The following VMP1 variants were observed in gnomAD, a reference collection of about 807,000 sequenced individuals.
VMP1 encodes vacuole membrane protein 1.
Under a neutral mutation model 56.0 loss-of-function variants are expected in VMP1, and 11 were observed. That is an observed-to-expected ratio of 0.20 (90% CI 0.12 to 0.32). VMP1 has a LOEUF of 0.32. Ranked by LOEUF, VMP1 falls within the 10% of genes least tolerant of loss-of-function variation. VMP1 has a pLI of 1.00. For missense variants in VMP1, 296 were observed against 490.3 expected, an observed-to-expected ratio of 0.60 and a Z score of 3.74; for synonymous variants, 149 against 165.0, an observed-to-expected ratio of 0.90 and a Z score of 0.74.
At chr17:59,736,274 G>A (rs1268903171) in intron 3 of VMP1, among the ~76,000 whole-genome samples, 5 of 151,020 alleles carry the variant, frequency 3.3e-5, no homozygotes, top group Non-Finnish European at 4.4e-5. Flanking sequence ...GTGGTGGCAT[G>A]TGCCTGTAGT....
At chr17:59,730,972 G>T (rs903487075) in intron 1 of VMP1, among the ~76,000 whole-genome samples, 5 of 151,704 alleles carry the variant, frequency 3.3e-5, no homozygotes, top group African/African-American at 7.3e-5. Flanking sequence ...ATATAATAAT[G>T]TTAAAGGGAA....
chr17:59,772,190 C>T (rs61093243), intron 6 of VMP1, among the ~76,000 whole-genome samples: 1 of 151,686 alleles, frequency 6.6e-6, no homozygotes, highest in Non-Finnish European at 1.5e-5. Flanking sequence ...GGGGTTTCGC[C>T]ATGTTGCCGA....
Position 59,840,015 on chromosome 17 carries a change from AT to A in VMP1, c.*109del. On this transcript the variant is annotated 3_prime_UTR_variant, in exon 12 of 12. Coordinates refer to ENST00000262291, the MANE Select transcript of VMP1 (RefSeq NM_030938.5). ...AAATTCCCTTTTCCAACCTGTATCA[AT>A]TTTTACAACTTTTTTCCTGAAAGCA... The A allele has an allele frequency of 6.8e-7, 1 of 1,479,534 alleles. No homozygotes were observed. Among genetic ancestry groups the A allele is most frequent in the Non-Finnish European group, 9.1e-7 (1 of 1,094,552 alleles). 91.7% of individuals were successfully genotyped at this position (1,479,534 alleles called of 1,614,324 possible). A position where few individuals can be genotyped will look rare whatever the true frequency, so the allele number is the denominator to read the frequency against.
chr17:59,829,502 C>G lies in VMP1; in HGVS notation c.975-8793C>G, dbSNP rs117319837. ...AATAGAGCTCTAGTATTGGTTGGTCCCCAGGGAAACTGGTGGTTAAATACT... is the reference window on the plus strand; with the variant it reads ...AATAGAGCTCTAGTATTGGTTGGTCGCCAGGGAAACTGGTGGTTAAATACT... On this transcript the variant is annotated intron_variant, in intron 10 of 11. Coordinates refer to ENST00000262291, the MANE Select transcript of VMP1 (RefSeq NM_030938.5). Among the ~76,000 whole-genome samples the G allele has an allele frequency of 9.7e-3, 1,470 of 152,164 alleles. 13 individuals are homozygous for G. The highest frequency in any genetic ancestry group is 0.014 in the Non-Finnish European group (961 of 68,000).
intron 6 of VMP1, among the ~76,000 whole-genome samples, chr17:59,771,604 TG>T (rs979376703): frequency 2.0e-5 from 3 of 150,318 alleles, no homozygotes; most frequent in African/African-American, 7.4e-5. Context: ...TTGGTTTTTT[TG>T]GTTTTTTTTT....
chr17:59,816,974 GA>G (rs1227434549), intron 9 of VMP1, among the ~76,000 whole-genome samples: 5,067 of 105,386 alleles, frequency 0.048, 323 homozygotes, highest in African/African-American at 0.16. Flanking sequence ...AAGAAAGAAA[GA>G]AAAAAAAAAA....
At chr17:59,828,618 C>T (rs2038715618) in intron 10 of VMP1, among the ~76,000 whole-genome samples, 1 of 152,206 alleles carries the variant, frequency 6.6e-6, no homozygotes, top group Non-Finnish European at 1.5e-5. Flanking sequence ...GTGCCAGGGA[C>T]TGTCAGTCCA....
chr17:59,815,191 G>A (rs377659783), intron 9 of VMP1, among the ~76,000 whole-genome samples: 1 of 152,014 alleles, frequency 6.6e-6, no homozygotes, highest in East Asian at 1.9e-4. Flanking sequence ...CCCTTCCACT[G>A]CACAGAGTCA....
chr17:59,755,203 G>A (rs1313519072), intron 5 of VMP1, among the ~76,000 whole-genome samples: 2 of 151,512 alleles, frequency 1.3e-5, no homozygotes, highest in South Asian at 2.1e-4. Flanking sequence ...CATCTCCCAC[G>A]TTCAAGCGAT....
chr17:59,788,039 A>T (rs559252797), intron 7 of VMP1, among the ~76,000 whole-genome samples: 74 of 152,312 alleles, frequency 4.9e-4, no homozygotes, highest in Non-Finnish European at 8.4e-4. Context: ...AACTAAATTT[A>T]AAAAAATTAT....
intron 1 of VMP1, among the ~76,000 whole-genome samples, chr17:59,722,709 G>A (rs1005976428): frequency 1.3e-5 from 2 of 152,106 alleles, no homozygotes; most frequent in African/African-American, 4.8e-5. Flanking sequence ...CCGGGCATGG[G>A]GGTACATGCT....
At chr17:59,770,464 A>G (rs1453946748) in intron 6 of VMP1, among the ~76,000 whole-genome samples, 6 of 152,174 alleles carry the variant, frequency 3.9e-5, no homozygotes, top group Non-Finnish European at 7.3e-5. Context: ...CATAATACAC[A>G]TCATCTGTAA....
intron 7 of VMP1, among the ~76,000 whole-genome samples, chr17:59,801,122 GT>G (rs1568173720): frequency 2.3e-5 from 3 of 133,128 alleles, no homozygotes; most frequent in East Asian, 2.0e-4. Context: ...ATGTGTGTGT[GT>G]GTGTGTGTGT....
At chr17:59,774,456 G>A (rs1487815581) in intron 7 of VMP1, among the ~76,000 whole-genome samples, 1 of 151,868 alleles carries the variant, frequency 6.6e-6, no homozygotes, top group Non-Finnish European at 1.5e-5. Context: ...CTTATTTTAT[G>A]GCTATATCTA....
intron 1 of VMP1, among the ~76,000 whole-genome samples, chr17:59,726,945 G>T (rs186281839): frequency 6.6e-6 from 1 of 152,068 alleles, no homozygotes; most frequent in Non-Finnish European, 1.5e-5. Flanking sequence ...TCTACTTCAC[G>T]ATCTTCATAA....
chr17:59,828,552 A>T (rs1160576540), intron 10 of VMP1, among the ~76,000 whole-genome samples: 2 of 152,228 alleles, frequency 1.3e-5, no homozygotes, highest in Admixed American at 1.3e-4. Flanking sequence ...ATGTGAATGA[A>T]ATTCAAGATG....
chr17:59,762,103 G>T (rs1041380550), intron 5 of VMP1, among the ~76,000 whole-genome samples: 1 of 152,100 alleles, frequency 6.6e-6, no homozygotes, highest in Non-Finnish European at 1.5e-5. Context: ...AAAAAGAATT[G>T]TCCCATATAT....
At chr17:59,832,102 T>C (rs1394387554) in intron 10 of VMP1, among the ~76,000 whole-genome samples, 1 of 151,262 alleles carries the variant, frequency 6.6e-6, no homozygotes, top group East Asian at 1.9e-4. Flanking sequence ...GGAATAAAAA[T>C]ATGAAGATAC....
chr17:59,731,296 G>A lies in VMP1; in HGVS notation c.-26-125G>A, dbSNP rs2034814175. The stretch of plus-strand genomic sequence containing the variant: ...ATTTTGGTTATAAAAGAAAAAAAGT[G>A]TAAACACATCATACATATCATGTGG... On this transcript the variant is annotated intron_variant, in intron 1 of 11. Coordinates refer to ENST00000262291, the MANE Select transcript of VMP1 (RefSeq NM_030938.5). 4.0e-6 allele frequency: 2 copies of A among 498,672 alleles called. 1 individual carries two copies. Among genetic ancestry groups the A allele is most frequent in the South Asian group, 5.5e-5 (2 of 36,496 alleles). 30.9% of individuals were successfully genotyped at this position (498,672 alleles called of 1,614,324 possible).
Sources: gnomAD v4.1 joint callset for allele counts (sites outside exome capture counted in the v4.1 genomes callset) on GRCh38, gnomAD v4.1.1 for gene constraint, MANE v1.5 for transcripts, NCBI Gene and HGNC (gene_info 2026-07-23, HGNC 2026-07-21) for gene names.